The following CTNNA2 variants were observed in gnomAD, a reference collection of about 807,000 sequenced individuals.
CTNNA2 encodes catenin alpha 2.
Under a neutral mutation model 101.0 loss-of-function variants are expected in CTNNA2, and 42 were observed. That is an observed-to-expected ratio of 0.42 (90% CI 0.32 to 0.54). The LOEUF is 0.54. Among genes scored for constraint, CTNNA2 ranks in the 20% least tolerant of loss-of-function variants. The pLI is 0.14. For synonymous variants in CTNNA2, 450 were observed against 456.4 expected (o/e 0.99, Z 0.18); for missense variants, 871 against 1,223.1 (o/e 0.71, Z 4.29).
At position 79,964,881 on chromosome 2, in the gene CTNNA2, C is replaced by T. The variant is rs957390; in HGVS notation, c.1056+55084C>T. Among the ~76,000 whole-genome samples the T allele has an allele frequency of 8.1e-3, 1,239 of 152,192 alleles. 12 individuals carry two copies. The highest frequency in any genetic ancestry group is 0.013 in the Non-Finnish European group (909 of 67,990). ...CCCAGGGATCCCCTTTTTCCAGTTT[C>T]TCTAAGCTAAAATAAGTGACATGGT... On this transcript the variant is annotated intron_variant, in intron 7 of 18. Transcript: ENST00000402739.
intron 2 of CTNNA2, among the ~76,000 whole-genome samples, chr2:79,693,659 A>T (rs1381606766): frequency 6.6e-6 from 1 of 151,950 alleles, no homozygotes. Context: ...GACCTCAGGC[A>T]CTTGATCAAG....
At chr2:80,009,926 G>A (rs188259357) in intron 7 of CTNNA2, among the ~76,000 whole-genome samples, 1 of 152,226 alleles carries the variant, frequency 6.6e-6, no homozygotes, top group East Asian at 1.9e-4. Context: ...TTCAGATGTT[G>A]GCTTTGTTAC....
chr2:79,857,105 TG>T (rs1681204137), intron 3 of CTNNA2, among the ~76,000 whole-genome samples: 1 of 152,218 alleles, frequency 6.6e-6, no homozygotes, highest in Non-Finnish European at 1.5e-5. Flanking sequence ...GTACTCAGCA[TG>T]GGGCTCCAGG....
At chr2:79,298,754 C>T (rs1017319153) in intron 2 of CTNNA2, among the ~76,000 whole-genome samples, 2 of 152,216 alleles carry the variant, frequency 1.3e-5, no homozygotes, top group African/African-American at 2.4e-5. Flanking sequence ...TCTGTCTGCC[C>T]GCTGGGCATT....
chr2:80,010,257 A>C (rs1466649209), intron 7 of CTNNA2, among the ~76,000 whole-genome samples: 1 of 152,180 alleles, frequency 6.6e-6, no homozygotes, highest in Non-Finnish European at 1.5e-5. Flanking sequence ...ACTGAGACAG[A>C]ACTCAAGATT....
rs573677904 is a variant in CTNNA2, at chr2:80,387,211, C to A, written c.1057-6000C>A. On this transcript the variant is annotated intron_variant, in intron 7 of 18. Transcript: ENST00000402739. Reference sequence around the variant, plus strand: ...GGCTGAGGCAGGAGAATGGCATGAACCCGGGAGGCGGAGCTTGCAGTGAGC... The same window carrying A: ...GGCTGAGGCAGGAGAATGGCATGAAACCGGGAGGCGGAGCTTGCAGTGAGC... Among the ~76,000 whole-genome samples the A allele has an allele frequency of 3.3e-5, 5 of 152,216 alleles. No homozygotes were observed. In the South Asian group the frequency reaches 1.0e-3, roughly 32 times the overall value.
chr2:80,071,293 T>G (rs961178258), intron 7 of CTNNA2, among the ~76,000 whole-genome samples: 4 of 152,204 alleles, frequency 2.6e-5, no homozygotes, highest in Non-Finnish European at 5.9e-5. Context: ...AAAGGAGAGA[T>G]AGTAACAAAG....
At chr2:79,680,402 C>A (rs1382559232) in intron 2 of CTNNA2, among the ~76,000 whole-genome samples, 1 of 152,034 alleles carries the variant, frequency 6.6e-6, no homozygotes, top group Non-Finnish European at 1.5e-5. Context: ...GGGACAGTCC[C>A]ACTGATGTAC....
chr2:80,108,372 C>T (rs116741503), intron 7 of CTNNA2, among the ~76,000 whole-genome samples: 2 of 152,168 alleles, frequency 1.3e-5, no homozygotes, highest in Admixed American at 1.3e-4. Context: ...CCAGTAAAAT[C>T]ACTATGCTGC....
intron 9 of CTNNA2, among the ~76,000 whole-genome samples, chr2:80,455,654 A>C (rs1683910477): frequency 6.6e-6 from 1 of 152,180 alleles, no homozygotes; most frequent in Non-Finnish European, 1.5e-5. Flanking sequence ...AGTGAAGAAA[A>C]TAATATGATA....
chr2:80,615,750 T>C (rs369588141), intron 17 of CTNNA2, among the ~76,000 whole-genome samples: 175 of 151,802 alleles, frequency 1.2e-3, no homozygotes, highest in African/African-American at 4.0e-3. Context: ...GTTAAATCAT[T>C]TATAAAATAT....
chr2:79,604,102 T>A (rs974529410), intron 1 of CTNNA2, among the ~76,000 whole-genome samples: 2 of 152,234 alleles, frequency 1.3e-5, no homozygotes, highest in Non-Finnish European at 2.9e-5. Context: ...GTGATATTGA[T>A]TGCAGTGCAA....
chr2:80,551,759 A>T (rs1033886445), intron 11 of CTNNA2, among the ~76,000 whole-genome samples: 1 of 152,180 alleles, frequency 6.6e-6, no homozygotes, highest in Non-Finnish European at 1.5e-5. Context: ...AACTTTCTCC[A>T]TATTAGCAAT....
chr2:80,378,846 C>T (rs1212665011), intron 7 of CTNNA2: 1 of 152,220 alleles, frequency 6.6e-6, no homozygotes, highest in Non-Finnish European at 1.5e-5. Context: ...GAAGGCTATT[C>T]AGGGCTTTCT....
At chr2:80,640,049 C>G (rs1349788728) in intron 18 of CTNNA2, among the ~76,000 whole-genome samples, 1 of 151,984 alleles carries the variant, frequency 6.6e-6, no homozygotes, top group African/African-American at 2.4e-5. Context: ...TTGCAGTGAG[C>G]CGAGATTGTG....
intron 2 of CTNNA2, among the ~76,000 whole-genome samples, chr2:79,742,560 C>T (rs947044400): frequency 6.6e-6 from 1 of 152,064 alleles, no homozygotes; most frequent in East Asian, 1.9e-4. Flanking sequence ...GGAAGAGTAA[C>T]ATGTTCATGT....
chr2:79,644,127 T>A (rs1331628783), intron 1 of CTNNA2, among the ~76,000 whole-genome samples: 1 of 152,154 alleles, frequency 6.6e-6, no homozygotes, highest in African/African-American at 2.4e-5. Context: ...AACCTCTGCC[T>A]ACCGGGTTCA....
Position 79,253,825 on chromosome 2 carries a change from C to T in CTNNA2, c.-406+55749C>T, listed in dbSNP as rs192881766. 1.4e-4 allele frequency among the ~76,000 whole-genome samples: 22 copies of T among 152,180 alleles called. No individual in the cohort carries two copies. The East Asian group carries it at 1.5e-3, about 11-fold the overall frequency. On this transcript the variant is annotated intron_variant, in intron 2 of 21. Coordinates refer to the CTNNA2 transcript ENST00000466387. ...ATAAAAGAAGAGCATGTGTATTTGT[C>T]GGTGATAGAGTTTATGACTGGAGCC... is the stretch of plus-strand genomic sequence containing the variant.
intron 2 of CTNNA2, among the ~76,000 whole-genome samples, chr2:79,303,183 C>G (rs1452236000): frequency 2.0e-5 from 3 of 152,142 alleles, no homozygotes; most frequent in Admixed American, 6.5e-5. Flanking sequence ...ATCCTCAACA[C>G]AAGGTCTTCA....
Sources: allele counts gnomAD v4.1 joint callset (sites outside exome capture counted in the v4.1 genomes callset), GRCh38; gene constraint gnomAD v4.1.1; transcripts MANE v1.5; gene names NCBI Gene and HGNC (gene_info 2026-07-23, HGNC 2026-07-21).